LCLAT1: variants seen among roughly 807,000 people sequenced by gnomAD.
LCLAT1 encodes 1-AGP acyltransferase 8.
In LCLAT1, 11 loss-of-function variants were observed where a neutral mutation model predicts 30.7. The observed-to-expected ratio is 0.36, with a 90% CI of 0.23 to 0.59. The LOEUF (loss-of-function observed/expected upper bound fraction) is 0.59, where lower values mean the gene tolerates loss of function less well. Among genes scored for constraint, LCLAT1 ranks in the 20% least tolerant of loss-of-function variants. The probability of loss-of-function intolerance (pLI) is 0.77; values close to 1 mark genes in which losing one functional copy is unlikely to be tolerated. For synonymous variants in LCLAT1, 155 were observed against 151.3 expected (o/e 1.02, Z -0.18); for missense variants, 402 against 458.6 (o/e 0.88, Z 1.13).
intron 5 of LCLAT1, among the ~76,000 whole-genome samples, chr2:30,584,789 A>G (rs1294500331): frequency 6.6e-6 from 1 of 152,160 alleles, no homozygotes; most frequent in East Asian, 1.9e-4. Flanking sequence ...GACTAATATA[A>G]AAGTTTTATG....
intron 5 of LCLAT1, among the ~76,000 whole-genome samples, chr2:30,622,512 C>A (rs1042742739): frequency 1.3e-5 from 2 of 152,282 alleles, no homozygotes; most frequent in South Asian, 2.1e-4. Context: ...AAAAACAGCA[C>A]ACTGAACAAA....
chr2:30,607,028 CAAT>C (rs1369716789), intron 5 of LCLAT1: 1 of 152,024 alleles, frequency 6.6e-6, no homozygotes, highest in African/African-American at 2.4e-5. Context: ...ATCAAAACCA[CAAT>C]GAGATACCAT....
At chr2:30,455,743 TA>T (rs1325760550) in intron 1 of LCLAT1, among the ~76,000 whole-genome samples, 1 of 150,338 alleles carries the variant, frequency 6.7e-6, no homozygotes, top group Non-Finnish European at 1.5e-5. Context: ...CCTGACTCTA[TA>T]AAAAAAAATT....
At position 30,517,160 on chromosome 2, in the gene LCLAT1, A is replaced by T. The variant is rs368249268; in HGVS notation, c.-4-8427A>T. On this transcript the variant is annotated intron_variant, in intron 1 of 5. Coordinates refer to ENST00000379509, the MANE Select transcript of LCLAT1 (RefSeq NM_001002257.3). ...GCCCCAAAATTCTCCTTACCTCTGA[A>T]TCTACTTCCTCCAGTCCCTGCCTCC... Among the ~76,000 whole-genome samples, 8 of 152,246 alleles carry T rather than the reference A, an allele frequency of 5.3e-5. 1 individual carries two copies. In the East Asian group the frequency reaches 1.5e-3, roughly 29 times the overall value.
At chr2:30,486,775 G>A (rs1572512042) in intron 1 of LCLAT1, among the ~76,000 whole-genome samples, 1 of 152,176 alleles carries the variant, frequency 6.6e-6, no homozygotes, top group East Asian at 1.9e-4. Flanking sequence ...GTACCATGAT[G>A]TGAAACCAGG....
chr2:30,562,045 A>T (rs1157015439), intron 3 of LCLAT1, 101 bp from the exon 4 acceptor site: 1 of 734,282 alleles, frequency 1.4e-6, no homozygotes, highest in Non-Finnish European at 2.1e-6. Flanking sequence ...ACAATAATAA[A>T]TAATATATAG....
chr2:30,598,299 A>G (rs910578175), intron 5 of LCLAT1, among the ~76,000 whole-genome samples: 6 of 151,616 alleles, frequency 4.0e-5, no homozygotes, highest in Middle Eastern at 3.2e-3. Context: ...TAGGTTATTT[A>G]TTACTGCCTC....
At chr2:30,459,036 T>C (rs1681970583) in intron 1 of LCLAT1, among the ~76,000 whole-genome samples, 1 of 152,216 alleles carries the variant, frequency 6.6e-6, no homozygotes, top group Admixed American at 6.5e-5. Flanking sequence ...TAAAATGGTT[T>C]TTGTAATTTG....
At chr2:30,510,208 AT>A (rs1235201390) in intron 1 of LCLAT1, among the ~76,000 whole-genome samples, 5 of 151,752 alleles carry the variant, frequency 3.3e-5, no homozygotes, top group Non-Finnish European at 7.4e-5. Flanking sequence ...TACTTGCTGT[AT>A]TTCAGATCTC....
chr2:30,484,191 A>C (rs1330897066), intron 1 of LCLAT1, among the ~76,000 whole-genome samples: 3 of 152,174 alleles, frequency 2.0e-5, no homozygotes, highest in South Asian at 2.1e-4. Flanking sequence ...GAGACTCTTT[A>C]ATTGCTTCAA....
At chr2:30,475,306 T>C (rs1006664690) in intron 1 of LCLAT1, among the ~76,000 whole-genome samples, 12 of 152,212 alleles carry the variant, frequency 7.9e-5, no homozygotes, top group African/African-American at 2.9e-4. Context: ...ACTAGTCTTA[T>C]GGAAACTTAT....
intron 5 of LCLAT1, among the ~76,000 whole-genome samples, chr2:30,617,476 G>A (rs1004834621): frequency 7.9e-5 from 12 of 152,154 alleles, no homozygotes; most frequent in Admixed American, 2.0e-4. Context: ...AGGATACTAT[G>A]TATAAAATTG....
At chr2:30,474,045 C>T (rs185034917) in intron 1 of LCLAT1, among the ~76,000 whole-genome samples, 31 of 152,174 alleles carry the variant, frequency 2.0e-4, no homozygotes, top group Non-Finnish European at 2.5e-4. Flanking sequence ...ATGACTTATG[C>T]AGCTATGAAA....
chr2:30,617,078 G>C (rs762755979), intron 5 of LCLAT1, among the ~76,000 whole-genome samples: 4 of 152,110 alleles, frequency 2.6e-5, no homozygotes, highest in East Asian at 1.9e-4. Context: ...CTCATTTTAA[G>C]TGTACAGTTA....
intron 5 of LCLAT1, among the ~76,000 whole-genome samples, chr2:30,626,343 G>A (rs1668508032): frequency 6.6e-6 from 1 of 152,068 alleles, no homozygotes; most frequent in Admixed American, 6.6e-5. Flanking sequence ...ATTGAATTTT[G>A]AATGCCCTGT....
chr2:30,469,664 C>T (rs1163008622), intron 1 of LCLAT1, among the ~76,000 whole-genome samples: 4 of 150,996 alleles, frequency 2.6e-5, no homozygotes, highest in Admixed American at 6.6e-5. Context: ...CTACAACCTC[C>T]GCCTCTGGGG....
intron 1 of LCLAT1, among the ~76,000 whole-genome samples, chr2:30,473,448 C>T (rs1285504977): frequency 2.0e-5 from 3 of 152,062 alleles, no homozygotes; most frequent in Non-Finnish European, 2.9e-5. Context: ...TTGGGTCACC[C>T]GCATCTGGAA....
chr2:30,465,598 T>A (rs1268447967), intron 1 of LCLAT1, among the ~76,000 whole-genome samples: 1 of 152,258 alleles, frequency 6.6e-6, no homozygotes, highest in Non-Finnish European at 1.5e-5. Context: ...GAATAGCACT[T>A]AATTCTTATC....
At chr2:30,555,925 C>G (rs1270480945) in intron 3 of LCLAT1, among the ~76,000 whole-genome samples, 2 of 151,130 alleles carry the variant, frequency 1.3e-5, no homozygotes, top group Non-Finnish European at 2.9e-5. Flanking sequence ...GCAAGCTCCG[C>G]CTCCTGGTTT....
Sources: gnomAD v4.1 joint callset for allele counts (sites outside exome capture counted in the v4.1 genomes callset) on GRCh38, gnomAD v4.1.1 for gene constraint, MANE v1.5 for transcripts, NCBI Gene and HGNC (gene_info 2026-07-23, HGNC 2026-07-21) for gene names.